The following RFX3 variants were observed in gnomAD, a reference collection of about 807,000 sequenced individuals.
RFX3 encodes transcription factor RFX3.
Under a neutral mutation model 98.6 loss-of-function variants are expected in RFX3, and 14 were observed. The observed-to-expected ratio is 0.14, with a 90% CI of 0.09 to 0.22. The LOEUF (loss-of-function observed/expected upper bound fraction) is 0.22, where lower values mean the gene tolerates loss of function less well. Ranked by LOEUF, RFX3 falls within the 10% of genes least tolerant of loss-of-function variation. The pLI, the probability that RFX3 is intolerant of heterozygous loss-of-function variation, is 1.00. For missense variants in RFX3, 639 were observed against 926.9 expected, an observed-to-expected ratio of 0.69 and a Z score of 4.03; for synonymous variants, 383 against 328.4, an observed-to-expected ratio of 1.17 and a Z score of -1.80.
At chr9:3,247,181 C>G (rs1820789893) in intron 15 of RFX3, 1 of 985,346 alleles carries the variant, frequency 1.0e-6, no homozygotes, top group Admixed American at 6.1e-5. Flanking sequence ...CTCCTGCATT[C>G]AATATAACAA....
At chr9:3,255,432 C>T (rs1320869299) in intron 14 of RFX3, among the ~76,000 whole-genome samples, 4 of 152,208 alleles carry the variant, frequency 2.6e-5, no homozygotes, top group Admixed American at 6.5e-5. Context: ...GCCACAGCTA[C>T]AGTCAGGTGT....
chr9:3,228,468 G>A (rs975977853), intron 16 of RFX3, among the ~76,000 whole-genome samples: 1 of 152,156 alleles, frequency 6.6e-6, no homozygotes, highest in Non-Finnish European at 1.5e-5. Flanking sequence ...GGTGAGGTAG[G>A]TGAGCCGAGG....
rs549540892 is a variant in RFX3, at chr9:3,498,308, C to T, written c.-9+27439G>A. On this transcript the variant is annotated intron_variant, in intron 1 of 16. Transcript: ENST00000617270. The stretch of plus-strand genomic sequence containing the variant: ...TTCTGTGCTCCACTACTTATTAGTT[C>T]TTAATTTCAAAAAATGTTGTTCATG... Among the ~76,000 whole-genome samples, 151 of 152,036 alleles carry T rather than the reference C, an allele frequency of 9.9e-4. 1 individual carries two copies. In the South Asian group the frequency reaches 0.029, roughly 29 times the overall value.
chr9:3,524,225 T>C (rs1386555440), intron 1 of RFX3, among the ~76,000 whole-genome samples: 1 of 152,092 alleles, frequency 6.6e-6, no homozygotes, highest in African/African-American at 2.4e-5. Flanking sequence ...AAAGTTAAGC[T>C]GAAAAAAATG....
chr9:3,297,720 G>C (rs1828162053), intron 5 of RFX3, among the ~76,000 whole-genome samples: 1 of 151,886 alleles, frequency 6.6e-6, no homozygotes, highest in Non-Finnish European at 1.5e-5. Context: ...TGAGCTAAAT[G>C]TATTTTGGTA....
chr9:3,430,389 A>C (rs1224365751), intron 1 of RFX3, among the ~76,000 whole-genome samples: 1 of 152,166 alleles, frequency 6.6e-6, no homozygotes, highest in Admixed American at 6.5e-5. Flanking sequence ...CTGGCAAAAC[A>C]CTTTTGCTTT....
intron 2 of RFX3, among the ~76,000 whole-genome samples, chr9:3,393,125 T>C (rs1470756781): frequency 1.3e-5 from 2 of 152,078 alleles, no homozygotes; most frequent in Non-Finnish European, 2.9e-5. Context: ...TAAGGTAATG[T>C]TTAAAATGCT....
intron 1 of RFX3, chr9:3,488,833 G>C (rs1177146020): frequency 1.0e-6 from 1 of 984,620 alleles, no homozygotes; most frequent in Non-Finnish European, 1.2e-6. Context: ...CTTGAGCTTT[G>C]TCTCTTAACT....
Position 3,220,223 on chromosome 9 carries a change from C to T in RFX3, c.*4819G>A, listed in dbSNP as rs1276562358. 1 of 152,086 alleles carries T rather than the reference C, an allele frequency of 6.6e-6. No homozygotes were observed. The highest frequency in any genetic ancestry group is 1.5e-5 in the Non-Finnish European group (1 of 67,996). 9.4% of individuals were successfully genotyped at this position (152,086 alleles called of 1,614,324 possible). A position where few individuals can be genotyped will look rare whatever the true frequency, so the allele number is the denominator to read the frequency against. On this transcript the variant is annotated 3_prime_UTR_variant, in exon 17 of 17. Coordinates refer to ENST00000617270, the MANE Select transcript of RFX3 (RefSeq NM_001282116.2). ...GATCTAACTCCAAATAGCCTAACTGCCCCCAAAGAGTTCAGATTCTCTTAA... is the reference window on the plus strand; with the variant it reads ...GATCTAACTCCAAATAGCCTAACTGTCCCCAAAGAGTTCAGATTCTCTTAA...
intron 1 of RFX3, among the ~76,000 whole-genome samples, chr9:3,492,556 G>C (rs934811849): frequency 1.1e-4 from 16 of 152,206 alleles, no homozygotes; most frequent in Admixed American, 2.0e-4. Flanking sequence ...CCTCATGACA[G>C]ATGGAGATTC....
chr9:3,361,144 G>C (rs1396544451), intron 2 of RFX3, among the ~76,000 whole-genome samples: 1 of 152,170 alleles, frequency 6.6e-6, no homozygotes, highest in African/African-American at 2.4e-5. Flanking sequence ...AGTTACGGTA[G>C]AGGCTGCTAT....
intron 1 of RFX3, among the ~76,000 whole-genome samples, chr9:3,405,803 T>C (rs1841907285): frequency 7.2e-5 from 11 of 152,162 alleles, no homozygotes; most frequent in Admixed American, 7.2e-4. Flanking sequence ...AGGTTCTCAG[T>C]GCCCTCAGGA....
intron 1 of RFX3, among the ~76,000 whole-genome samples, chr9:3,508,970 CA>C (rs1564191104): frequency 2.0e-5 from 3 of 151,862 alleles, no homozygotes; most frequent in Non-Finnish European, 4.4e-5. Flanking sequence ...CACACACACA[CA>C]CACACAGAAA....
At chr9:3,351,743 G>T (rs554068183) in intron 2 of RFX3, among the ~76,000 whole-genome samples, 13 of 151,920 alleles carry the variant, frequency 8.6e-5, no homozygotes, top group African/African-American at 3.1e-4. Context: ...AACTTCAAAT[G>T]AAAAGAAAAC....
At chr9:3,333,710 G>A (rs1832850316) in intron 3 of RFX3, among the ~76,000 whole-genome samples, 1 of 152,060 alleles carries the variant, frequency 6.6e-6, no homozygotes. Flanking sequence ...CAAATAAGCT[G>A]TACAAATAGA....
At chr9:3,430,004 G>A (rs1844500260) in intron 1 of RFX3, among the ~76,000 whole-genome samples, 1 of 152,152 alleles carries the variant, frequency 6.6e-6, no homozygotes, top group South Asian at 2.1e-4. Flanking sequence ...CAGGTTCACT[G>A]AGGTTCCCAA....
intron 1 of RFX3, among the ~76,000 whole-genome samples, chr9:3,413,946 A>T (rs934406784): frequency 1.3e-5 from 2 of 152,102 alleles, no homozygotes; most frequent in African/African-American, 4.8e-5. Context: ...CAATAAATCA[A>T]GATTGTCTTC....
intron 2 of RFX3, among the ~76,000 whole-genome samples, chr9:3,385,834 A>T (rs539301057): frequency 4.9e-4 from 75 of 152,280 alleles, no homozygotes; most frequent in Non-Finnish European, 6.0e-4. Context: ...GTCATCTAAG[A>T]TAATAATATA....
chr9:3,492,717 G>A (rs1240711210), intron 1 of RFX3, among the ~76,000 whole-genome samples: 1 of 152,160 alleles, frequency 6.6e-6, no homozygotes. Flanking sequence ...CAGATGAGGT[G>A]ACAAAGGGTC....
Sources: gnomAD v4.1 joint callset for allele counts (sites outside exome capture counted in the v4.1 genomes callset) on GRCh38, gnomAD v4.1.1 for gene constraint, MANE v1.5 for transcripts, NCBI Gene and HGNC (gene_info 2026-07-23, HGNC 2026-07-21) for gene names.